LRP1B: variants seen among roughly 807,000 people sequenced by gnomAD.
The protein encoded by LRP1B is low-density lipoprotein receptor-related protein 1B.
LRP1B carries 217 observed loss-of-function variants against 556.6 expected under a neutral mutation model. The observed-to-expected ratio is 0.39, with a 90% CI of 0.35 to 0.44. The LOEUF is 0.44. LRP1B is among the 20% of genes least tolerant of loss of function. LRP1B has a pLI of 1.00. For synonymous variants in LRP1B, 2,047 were observed against 1,865.8 expected, an observed-to-expected ratio of 1.10 and a Z score of -2.50; for missense variants, 5,053 against 5,620.8, an observed-to-expected ratio of 0.90 and a Z score of 3.23.
chr2:141,768,484 A>T (rs1694797906), intron 2 of LRP1B, among the ~76,000 whole-genome samples: 2 of 152,056 alleles, frequency 1.3e-5, no homozygotes, highest in South Asian at 4.1e-4. Context: ...ACTTTGTATT[A>T]GGTCATATTT....
chr2:140,510,128 C>T, intron 51 of LRP1B, 72 bp from the exon 52 acceptor site: 1 of 1,524,400 alleles, frequency 6.6e-7, no homozygotes, highest in Non-Finnish European at 9.0e-7. Flanking sequence ...TTTACATTTT[C>T]TACAGTAAGG....
intron 1 of LRP1B, among the ~76,000 whole-genome samples, chr2:142,105,032 G>T (rs1706697519): frequency 6.6e-6 from 1 of 152,116 alleles, no homozygotes; most frequent in Non-Finnish European, 1.5e-5. Flanking sequence ...GTCAGCACTG[G>T]ACAACAATCA....
chr2:141,018,000 A>T (rs935827797), intron 12 of LRP1B, among the ~76,000 whole-genome samples: 1 of 136,090 alleles, frequency 7.3e-6, no homozygotes, highest in Non-Finnish European at 1.6e-5. Context: ...GATCCTGTCT[A>T]AAAAAAAAAA....
At chr2:140,422,703 C>T (rs1685496122) in intron 66 of LRP1B, among the ~76,000 whole-genome samples, 2 of 151,996 alleles carry the variant, frequency 1.3e-5, no homozygotes, top group African/African-American at 4.8e-5. Context: ...TAAATTAGAG[C>T]CTGGGGATGT....
intron 41 of LRP1B, among the ~76,000 whole-genome samples, chr2:140,668,582 C>T (rs1327056114): frequency 2.0e-5 from 3 of 151,954 alleles, no homozygotes; most frequent in Non-Finnish European, 2.9e-5. Context: ...TCTGGACCTG[C>T]TATCGTTCAT....
chr2:140,793,101 A>G (rs1481237230), intron 32 of LRP1B, among the ~76,000 whole-genome samples: 2 of 152,152 alleles, frequency 1.3e-5, no homozygotes, highest in East Asian at 3.9e-4. Flanking sequence ...GGCAGTTTAT[A>G]TATATTTTTT....
chr2:141,133,754 G>A (rs1330099009), intron 7 of LRP1B, among the ~76,000 whole-genome samples: 1 of 151,932 alleles, frequency 6.6e-6, no homozygotes, highest in African/African-American at 2.4e-5. Flanking sequence ...ATTTTTATAT[G>A]TATGTTGCAT....
At chr2:141,199,765 A>G (rs1162504282) in intron 6 of LRP1B, among the ~76,000 whole-genome samples, 1 of 152,014 alleles carries the variant, frequency 6.6e-6, no homozygotes, top group Non-Finnish European at 1.5e-5. Context: ...GTGGGCAAAG[A>G]ACATGAACAG....
At position 141,074,884 on chromosome 2, in the gene LRP1B, C is replaced by T. The variant is rs560978950; in HGVS notation, c.1014-12611G>A. 8.1e-4 allele frequency among the ~76,000 whole-genome samples: 124 copies of T among 152,178 alleles called. 2 individuals are homozygous for T. The highest frequency in any genetic ancestry group is 2.6e-3 in the African/African-American group (106 of 41,536). Reference sequence around the variant, plus strand: ...CAGTTCGTTTTCATTGTCCTTTTTGCATACAGTTCCCTTGGAGAACTTGTA... The same window carrying T: ...CAGTTCGTTTTCATTGTCCTTTTTGTATACAGTTCCCTTGGAGAACTTGTA... On this transcript the variant is annotated intron_variant, in intron 7 of 90. Coordinates refer to ENST00000389484, the MANE Select transcript of LRP1B (RefSeq NM_018557.3).
At chr2:140,742,110 T>C (rs907462748) in intron 35 of LRP1B, among the ~76,000 whole-genome samples, 9 of 152,216 alleles carry the variant, frequency 5.9e-5, no homozygotes, top group African/African-American at 2.2e-4. Context: ...CGATTAAGAA[T>C]GGAGCATCTA....
chr2:140,260,463 T>C (rs1013617702), intron 86 of LRP1B, among the ~76,000 whole-genome samples: 2 of 151,876 alleles, frequency 1.3e-5, no homozygotes, highest in African/African-American at 4.8e-5. Context: ...TCTCTGTGTA[T>C]GTACATGTGT....
chr2:140,423,488 G>T (rs1685533045), intron 66 of LRP1B, among the ~76,000 whole-genome samples: 1 of 151,836 alleles, frequency 6.6e-6, no homozygotes, highest in Non-Finnish European at 1.5e-5. Context: ...ATGAATGGAG[G>T]TTCTCTTATA....
intron 2 of LRP1B, among the ~76,000 whole-genome samples, chr2:141,774,358 G>A (rs185781110): frequency 1.2e-4 from 18 of 152,178 alleles, no homozygotes; most frequent in Non-Finnish European, 2.1e-4. Context: ...AAGGTGAAGA[G>A]GAACTAGCAT....
chr2:141,655,425 C>T (rs1418459128), intron 2 of LRP1B, among the ~76,000 whole-genome samples: 2 of 152,076 alleles, frequency 1.3e-5, no homozygotes, highest in Non-Finnish European at 2.9e-5. Flanking sequence ...ATTTGCATAA[C>T]TAGAAAAACA....
At chr2:141,923,482 GT>G (rs1700250988) in intron 1 of LRP1B, among the ~76,000 whole-genome samples, 1 of 119,604 alleles carries the variant, frequency 8.4e-6, no homozygotes, top group Non-Finnish European at 1.8e-5. Flanking sequence ...GTGTGTGTGT[GT>G]GTGTAGAGAG....
At chr2:141,578,877 A>T (rs1473239622) in intron 2 of LRP1B, among the ~76,000 whole-genome samples, 1 of 152,186 alleles carries the variant, frequency 6.6e-6, no homozygotes, top group Non-Finnish European at 1.5e-5. Flanking sequence ...TAATTCTATA[A>T]TTCCCAGGGC....
intron 1 of LRP1B, among the ~76,000 whole-genome samples, chr2:142,103,556 C>T (rs1706640436): frequency 6.6e-6 from 1 of 151,830 alleles, no homozygotes. Flanking sequence ...TTTTGGCAGT[C>T]ACCAAGGAAG....
intron 31 of LRP1B, among the ~76,000 whole-genome samples, chr2:140,826,173 C>T (rs571155319): frequency 6.6e-6 from 1 of 152,156 alleles, no homozygotes; most frequent in South Asian, 2.1e-4. Context: ...TCTCATAAGT[C>T]AAAATTTTGC....
chr2:141,338,510 G>A (rs888316056), intron 3 of LRP1B, among the ~76,000 whole-genome samples: 7 of 152,022 alleles, frequency 4.6e-5, no homozygotes, highest in South Asian at 2.1e-4. Flanking sequence ...TTTGATTTAC[G>A]GTCTTCCACT....
Sources: allele counts gnomAD v4.1 joint callset (sites outside exome capture counted in the v4.1 genomes callset), GRCh38; gene constraint gnomAD v4.1.1; transcripts MANE v1.5; gene names NCBI Gene and HGNC (gene_info 2026-07-23, HGNC 2026-07-21).